Variants in SCD observed in about 807,000 individuals in gnomAD.
The protein encoded by SCD is stearoyl-CoA desaturase, also known as acyl-CoA desaturase.
A neutral mutation model predicts 35.7 loss-of-function variants in SCD; 4 were observed. The observed-to-expected ratio is 0.11, with a 90% CI of 0.06 to 0.26. The LOEUF is 0.26. SCD is among the 10% of genes least tolerant of loss of function. The probability of loss-of-function intolerance (pLI) is 1.00; values close to 1 mark genes in which losing one functional copy is unlikely to be tolerated. For missense variants in SCD, 282 were observed against 460.7 expected (o/e 0.61, Z 3.55); for synonymous variants, 150 against 170.2 (o/e 0.88, Z 0.92).
In SCD at chr10:100,352,533, C is replaced by A; in HGVS notation, c.441+37C>A. 1 of 1,601,970 alleles carries A rather than the reference C, an allele frequency of 6.2e-7. No homozygotes were observed. The highest frequency in any genetic ancestry group is 8.5e-7 in the Non-Finnish European group (1 of 1,172,888). Reference sequence around the variant, plus strand: ...TCTCTGCTCAGCTGTTTGTCCTCCACACTATTAATGATCCGGGGACAGAAA... The same window carrying A: ...TCTCTGCTCAGCTGTTTGTCCTCCAAACTATTAATGATCCGGGGACAGAAA... On this transcript the variant is annotated intron_variant, in intron 3 of 5. Coordinates refer to ENST00000370355, the MANE Select transcript of SCD (RefSeq NM_005063.5). This position sits in a 1 kb window ranked among gnomAD's most constrained non-coding sequence, Gnocchi z 4.2.
At chr10:100,353,324 G>T (rs924268369) in intron 3 of SCD, among the ~76,000 whole-genome samples, 1 of 152,138 alleles carries the variant, frequency 6.6e-6, no homozygotes, top group Non-Finnish European at 1.5e-5. Context: ...GGTGGCTCAC[G>T]CCTGTAATCT....
intron 4 of SCD, among the ~76,000 whole-genome samples, 177 bp downstream of exon 4, chr10:100,354,809 A>G (rs1265827920): frequency 6.6e-6 from 1 of 152,176 alleles, no homozygotes; most frequent in Non-Finnish European, 1.5e-5. Context: ...GCCATAGACT[A>G]TTGCTCCATT....
rs773186417 is a variant in SCD at position 100,347,539 on chromosome 10, T to G, written c.27+8T>G. On this transcript the variant is annotated splice_region_variant and intron_variant, in intron 1 of 5. Transcript: ENST00000370355. Reference sequence around the variant, plus strand: ...CACTTGCTGCAGGACGATGTGAGTTTCCCAGCCTGGCCCCGTACCGCCGGG... The same window carrying G: ...CACTTGCTGCAGGACGATGTGAGTTGCCCAGCCTGGCCCCGTACCGCCGGG... 7 of 1,613,902 alleles carry G rather than the reference T, an allele frequency of 4.3e-6. No individual in the cohort carries two copies. In the South Asian group the frequency reaches 7.7e-5, roughly 18 times the overall value.
intron 2 of SCD, among the ~76,000 whole-genome samples, chr10:100,351,380 C>T (rs1365962596): frequency 6.6e-6 from 1 of 152,024 alleles, no homozygotes; most frequent in Non-Finnish European, 1.5e-5. Context: ...AGGGATGTGG[C>T]AAAGGCGAGA....
intron 2 of SCD, 70 bp downstream of exon 2, chr10:100,348,416 T>C (rs1332148581): frequency 1.4e-6 from 2 of 1,473,720 alleles, no homozygotes; most frequent in African/African-American, 2.8e-5. Flanking sequence ...AGGTAGGATC[T>C]TACAGAGGAC....
At chr10:100,351,803 G>C (rs905709212) in intron 2 of SCD, among the ~76,000 whole-genome samples, 2 of 152,126 alleles carry the variant, frequency 1.3e-5, no homozygotes, top group African/African-American at 4.8e-5. Context: ...ACCATGCCAA[G>C]CTAATTTTTA....
Position 100,361,156 on chromosome 10 carries a change from C to A in SCD, c.*223C>A, listed in dbSNP as rs199822748. 1.8e-5 allele frequency: 10 copies of A among 547,084 alleles called. No homozygotes were observed. Among genetic ancestry groups the A allele is most frequent in the Non-Finnish European group, 3.2e-5 (10 of 308,762 alleles). 33.9% of individuals were successfully genotyped at this position (547,084 alleles called of 1,614,324 possible). On this transcript the variant is annotated 3_prime_UTR_variant, in exon 6 of 6. Coordinates refer to ENST00000370355, the MANE Select transcript of SCD (RefSeq NM_005063.5). The stretch of plus-strand genomic sequence containing the variant: ...TCTCTTATCCTCTCTCTCTTCTAGG[C>A]CCATTGTCCTCCTTTTCACTTTATT...
At position 100,348,002 on chromosome 10, in the gene SCD, G is replaced by C. The variant is rs1849820598; in HGVS notation, c.28-62G>C. The C allele has an allele frequency of 2.0e-6, 3 of 1,517,098 alleles. No homozygotes were observed. In the South Asian group the frequency reaches 3.6e-5, roughly 18 times the overall value. The allele number at this position is 1,517,098 out of a possible 1,614,324, so 94.0% of individuals were successfully genotyped here. The stretch of plus-strand genomic sequence containing the variant: ...CTTCCCCCAGCGTGATTAGAGAGCG[G>C]AGTGGCCCCAGCTGCCTCCACGTGT... On this transcript the variant is annotated intron_variant, in intron 1 of 5. Transcript: ENST00000370355.
chr10:100,353,240 G>C (rs1406376536), intron 3 of SCD, among the ~76,000 whole-genome samples: 2 of 152,132 alleles, frequency 1.3e-5, no homozygotes, highest in African/African-American at 2.4e-5. Context: ...CCAACATTGT[G>C]GCCCTTTCTT....
rs1218073313 is a variant in SCD, at chr10:100,364,723, G to T, written c.*3790G>T. On this transcript the variant is annotated 3_prime_UTR_variant, in exon 6 of 6. Transcript: ENST00000370355. The stretch of plus-strand genomic sequence containing the variant: ...TTTATGTGGGATATAGTAGTTACTT[G>T]TGACAAGAATAATTTTGGAATAATT... 6.5e-6 allele frequency: 1 copy of T among 152,686 alleles called. No homozygotes were observed. The highest frequency in any genetic ancestry group is 1.9e-4 in the East Asian group (1 of 5,182). The allele number at this position is 152,686 out of a possible 1,614,324, so 9.5% of individuals were successfully genotyped here.
intron 2 of SCD, among the ~76,000 whole-genome samples, chr10:100,351,667 G>T (rs952343236): frequency 1.3e-5 from 2 of 152,052 alleles, no homozygotes; most frequent in Admixed American, 1.3e-4. Context: ...TTGAGATAAG[G>T]TCTTGCTGTG....
chr10:100,353,292 G>A (rs1471100808), intron 3 of SCD, among the ~76,000 whole-genome samples: 2 of 152,070 alleles, frequency 1.3e-5, no homozygotes, highest in African/African-American at 2.4e-5. Flanking sequence ...GGTTTGTTAA[G>A]GCAAAAAACA....
In SCD at chr10:100,354,431, A is replaced by T. The variant is rs1849906389; in HGVS notation, c.446A>T (p.Asp149Val). 6.2e-7 allele frequency: 1 copy of T among 1,613,210 alleles called. No individual in the cohort carries two copies. The highest frequency in any genetic ancestry group is 8.5e-7 in the Non-Finnish European group (1 of 1,179,342). ...TCCTCTTCTCTCTCTCCCCAGAATG[A>T]TGTCTATGAATGGGCTCGTGACCAC... The part of the protein sequence containing the change: ...IIANTMAFQN[D>V]VYEWARDHRA... The change falls in exon 4 of 6, where the codon GAT becomes GTT. Residue 149 changes from aspartate to valine, a missense_variant. By Grantham distance (152) the Asp-to-Val change is radical (BLOSUM62 -3). Around this residue, in one of 2 missense-constraint regions of SCD, gnomAD observed 205 missense variants for 372.3 expected, o/e 0.55. Coordinates refer to ENST00000370355, the MANE Select transcript of SCD (RefSeq NM_005063.5).
rs1023441344 is a variant in SCD at position 100,364,204 on chromosome 10, T to A, written c.*3271T>A. The A allele has an allele frequency of 1.3e-5, 2 of 151,992 alleles. No individual in the cohort carries two copies. The highest frequency in any genetic ancestry group is 1.3e-4 in the Admixed American group (2 of 15,246). 9.4% of individuals were successfully genotyped at this position (151,992 alleles called of 1,614,324 possible). On this transcript the variant is annotated 3_prime_UTR_variant, in exon 6 of 6. Coordinates refer to ENST00000370355, the MANE Select transcript of SCD (RefSeq NM_005063.5). ...TGGTTTGCTAGTATCTTGGGTGTAT[T>A]CTCTGTAAGTGTAGCTCAAATAGGT...
intron 2 of SCD, among the ~76,000 whole-genome samples, 190 bp downstream of exon 2, chr10:100,348,536 C>T (rs1589697489): frequency 6.6e-6 from 1 of 152,120 alleles, no homozygotes; most frequent in Non-Finnish European, 1.5e-5. Flanking sequence ...GCAGGACTGT[C>T]AATGCTGGGG....
rs1849933917 is a variant in SCD at position 100,356,842 on chromosome 10, A to G, written c.880+78A>G. 2 of 1,180,944 alleles carry G rather than the reference A, an allele frequency of 1.7e-6. No individual in the cohort carries two copies. The highest frequency in any genetic ancestry group is 1.5e-5 in the African/African-American group (1 of 65,392). The allele number at this position is 1,180,944 out of a possible 1,614,324, so 73.2% of individuals were successfully genotyped here. A position where few individuals can be genotyped will look rare whatever the true frequency, so the allele number is the denominator to read the frequency against. ...TTAGGCTAGGAGCCAGAAAAACTAG[A>G]TAAATCTGTTTTTTATGGCTACTTT... On this transcript the variant is annotated intron_variant, in intron 5 of 5. Coordinates refer to ENST00000370355, the MANE Select transcript of SCD (RefSeq NM_005063.5). This position sits in a 1 kb window ranked among gnomAD's most constrained non-coding sequence, Gnocchi z 4.1.
chr10:100,354,079 A>C (rs1849900673), intron 3 of SCD, among the ~76,000 whole-genome samples: 1 of 152,232 alleles, frequency 6.6e-6, no homozygotes. Flanking sequence ...TAGGTACCCC[A>C]TGAGGATCTT....
At position 100,347,262 on chromosome 10, in the gene SCD, G is replaced by T; in HGVS notation, c.-243G>T. On this transcript the variant is annotated 5_prime_UTR_variant, in exon 1 of 6. Transcript: ENST00000370355. The stretch of plus-strand genomic sequence containing the variant: ...AACTCCTCGCACTTTGCCCCTGCTT[G>T]GCAGCGGATAAAAGGGGGCTGAGGA... 1.8e-6 allele frequency: 1 copy of T among 570,650 alleles called. No individual in the cohort carries two copies. The highest frequency in any genetic ancestry group is 2.0e-5 in the South Asian group (1 of 49,938). The allele number at this position is 570,650 out of a possible 1,614,324, so 35.3% of individuals were successfully genotyped here. A position where few individuals can be genotyped will look rare whatever the true frequency, so the allele number is the denominator to read the frequency against.
At chr10:100,359,552 C>A (rs1182684507) in intron 5 of SCD, among the ~76,000 whole-genome samples, 1 of 152,158 alleles carries the variant, frequency 6.6e-6, no homozygotes, top group Non-Finnish European at 1.5e-5. Context: ...TAATAATCCT[C>A]AGTACCTTTA....
Sources: gnomAD v4.1 joint callset for allele counts (sites outside exome capture counted in the v4.1 genomes callset) on GRCh38, gnomAD v4.1.1 for gene constraint, gnomAD v4.1.1 regional missense constraint, Gnocchi (gnomAD v3.1) non-coding constraint, MANE v1.5 for transcripts, NCBI Gene and HGNC (gene_info 2026-07-23, HGNC 2026-07-21) for gene names.